The following OSMR variants were observed in gnomAD, a reference collection of about 807,000 sequenced individuals.
The protein encoded by OSMR is oncostatin-M-specific receptor subunit beta.
OSMR carries 81 observed loss-of-function variants against 99.9 expected under a neutral mutation model. The observed-to-expected ratio is 0.81, with a 90% CI of 0.68 to 0.97. OSMR has a LOEUF of 0.97. Among genes scored for constraint, OSMR ranks in the 50% least tolerant of loss-of-function variants. The pLI, the probability that OSMR is intolerant of heterozygous loss-of-function variation, is 0.00. For missense variants in OSMR, 1,099 were observed against 1,153.4 expected, an observed-to-expected ratio of 0.95 and a Z score of 0.68; for synonymous variants, 406 against 410.4, an observed-to-expected ratio of 0.99 and a Z score of 0.13.
At chr5:38,942,712 C>T in intron 1 of OSMR, 1 of 783,038 alleles carries the variant, frequency 1.3e-6, no homozygotes, top group Non-Finnish European at 2.1e-6. Context: ...CGCGCTGACC[C>T]CACAAAGTGC....
At chr5:38,884,714 T>C (rs908057341) in intron 5 of OSMR, among the ~76,000 whole-genome samples, 1 of 152,234 alleles carries the variant, frequency 6.6e-6, no homozygotes, top group Non-Finnish European at 1.5e-5. Context: ...TTCCATCGGA[T>C]ACATTAGTGG....
At chr5:38,859,897 TAGA>T (rs568786363) in intron 1 of OSMR, among the ~76,000 whole-genome samples, 66 of 152,334 alleles carry the variant, frequency 4.3e-4, no homozygotes, top group African/African-American at 1.5e-3. Flanking sequence ...TCTTAGTGTA[TAGA>T]AACACTACTA....
intron 1 of OSMR, among the ~76,000 whole-genome samples, chr5:38,859,864 G>A (rs979725715): frequency 6.6e-6 from 1 of 151,968 alleles, no homozygotes; most frequent in South Asian, 2.1e-4. Flanking sequence ...TTGCTTTCTT[G>A]ATATCTTTTT....
rs1746705546 is a variant in OSMR at position 38,930,923 on chromosome 5, TGTGTGTGTGTGTG to T, written c.2213-959_2213-947del. On this transcript the variant is annotated intron_variant, in intron 15 of 17. Transcript: ENST00000274276. The stretch of plus-strand genomic sequence containing the variant: ...AAGATGCCCTTGCAGAAGCATTTTG[TGTGTGTGTGTGTG>T]TGTGTGTGTGTGTGTGTGTGTGTGT... Among the ~76,000 whole-genome samples the T allele has an allele frequency of 1.2e-4, 3 of 25,362 alleles. No homozygotes were observed. In the South Asian group the frequency reaches 3.4e-3, roughly 29 times the overall value. The allele number at this position is 25,362 out of a possible 152,430, so 16.6% of individuals were successfully genotyped here.
chr5:38,903,106 G>A (rs1189367725), intron 7 of OSMR, among the ~76,000 whole-genome samples: 1 of 152,174 alleles, frequency 6.6e-6, no homozygotes, highest in African/African-American at 2.4e-5. Flanking sequence ...AATCCTGCTT[G>A]CTGTGCCAAT....
chr5:38,889,856 T>C lies in OSMR; in HGVS notation c.991+3666T>C, dbSNP rs114089304. Among the ~76,000 whole-genome samples, 600 of 152,336 alleles carry C rather than the reference T, an allele frequency of 3.9e-3. 4 individuals carry two copies. The highest frequency in any genetic ancestry group is 0.013 in the African/African-American group (560 of 41,584). Reference sequence around the variant, plus strand: ...GTTTTCTTCTACTTTCTTGGATTTTTTTCTGTTGTTCCTTTTACTTTCATA... The same window carrying C: ...GTTTTCTTCTACTTTCTTGGATTTTCTTCTGTTGTTCCTTTTACTTTCATA... On this transcript the variant is annotated intron_variant, in intron 7 of 17. Coordinates refer to ENST00000274276, the MANE Select transcript of OSMR (RefSeq NM_003999.3).
intron 9 of OSMR, among the ~76,000 whole-genome samples, chr5:38,910,354 C>T (rs1745492428): frequency 6.6e-6 from 1 of 152,134 alleles, no homozygotes; most frequent in Non-Finnish European, 1.5e-5. Context: ...AGGACCTCAA[C>T]TTGACACTTG....
chr5:38,913,590 G>A (rs1392684118), intron 9 of OSMR, among the ~76,000 whole-genome samples: 1 of 150,576 alleles, frequency 6.6e-6, no homozygotes, highest in African/African-American at 2.4e-5. Flanking sequence ...TGAACAGAGA[G>A]TTCTGAAGAC....
Position 38,885,430 on chromosome 5 carries a change from A to C in OSMR, c.785A>C (p.Asp262Ala), listed in dbSNP as rs148838681. Residue 262 changes from aspartate to alanine, a missense_variant, in exon 6 of 18, where the codon GAC (aspartate) becomes GCC (alanine). Physicochemically the swap from Asp to Ala is moderately radical, Grantham distance 126 (BLOSUM62 -2). Transcript: ENST00000274276. ...TLHCTWDPGT[D>A]TALGWSKQPS... ...CACTGTACTTGGGATCCTGGGACGG[A>C]CACTGCCTTGGGGTGGTCTAAACAA... is the stretch of plus-strand genomic sequence containing the variant. 3.1e-4 allele frequency: 507 copies of C among 1,614,044 alleles called. No individual in the cohort carries two copies. The highest frequency in any genetic ancestry group is 4.0e-4 in the Non-Finnish European group (475 of 1,179,890).
chr5:38,924,032 C>T lies in OSMR; in HGVS notation c.1871-390C>T, dbSNP rs373059264. 5.9e-5 allele frequency among the ~76,000 whole-genome samples: 9 copies of T among 152,304 alleles called. No homozygotes were observed. The South Asian group carries it at 1.2e-3, about 21-fold the overall frequency. ...TGAACATAATTCTTCCACTTCCTTC[C>T]TTCTTCCTCACTTTAGTAGGTTCTC... On this transcript the variant is annotated intron_variant, in intron 13 of 17. Coordinates refer to ENST00000274276, the MANE Select transcript of OSMR (RefSeq NM_003999.3).
At chr5:38,937,950 A>G (rs1315634862), downstream of OSMR, 1 of 184,268 alleles carries the variant, frequency 5.4e-6, no homozygotes, top group African/African-American at 2.3e-5. The surrounding 1 kb of genome is among the most constrained non-coding windows in gnomAD (Gnocchi z 4.0). Context: ...TTTATTAACA[A>G]TGTATCCCTT....
intron 1 of OSMR, among the ~76,000 whole-genome samples, chr5:38,851,662 G>T (rs998753476): frequency 2.0e-5 from 3 of 152,228 alleles, no homozygotes; most frequent in South Asian, 4.1e-4. Flanking sequence ...CACTGCCACA[G>T]TTCTCTTTCA....
rs184654960 is a variant in OSMR, at chr5:38,889,996, C to T, written c.991+3806C>T. Among the ~76,000 whole-genome samples the T allele has an allele frequency of 9.2e-5, 14 of 152,264 alleles. 1 individual carries two copies. The highest frequency in any genetic ancestry group is 3.9e-4 in the East Asian group (2 of 5,188). On this transcript the variant is annotated intron_variant, in intron 7 of 17. Transcript: ENST00000274276. Reference sequence around the variant, plus strand: ...TTTTAACTTAACATTGCAGTGCTTTCGTTATAACAAACTATATATGATACC... The same window carrying T: ...TTTTAACTTAACATTGCAGTGCTTTTGTTATAACAAACTATATATGATACC...
intron 1 of OSMR, among the ~76,000 whole-genome samples, chr5:38,859,733 T>C (rs1031827030): frequency 1.1e-4 from 16 of 139,164 alleles, no homozygotes; most frequent in South Asian, 5.5e-4. Context: ...TTTATGAGAA[T>C]GTATTTGTTT....
At chr5:38,901,234 AG>A (rs1294997027) in intron 7 of OSMR, among the ~76,000 whole-genome samples, 3 of 152,230 alleles carry the variant, frequency 2.0e-5, no homozygotes, top group Non-Finnish European at 4.4e-5. Context: ...TTAGTTTGGC[AG>A]AACTGTTAGT....
downstream of OSMR, chr5:38,945,533 A>C (rs754787982): frequency 6.2e-7 from 1 of 1,614,128 alleles, no homozygotes; most frequent in East Asian, 2.2e-5. Context: ...CTGGGCTGGA[A>C]ACCCAGAATT....
In OSMR at chr5:38,862,274, C is replaced by T. The variant is rs1241061992; in HGVS notation, c.-13-6758C>T. 7.3e-5 allele frequency among the ~76,000 whole-genome samples: 7 copies of T among 96,464 alleles called. 1 individual carries two copies. The highest frequency in any genetic ancestry group is 2.1e-4 in the African/African-American group (5 of 23,382). The allele number at this position is 96,464 out of a possible 152,430, so 63.3% of individuals were successfully genotyped here. On this transcript the variant is annotated intron_variant, in intron 1 of 17. Transcript: ENST00000274276. Reference sequence around the variant, plus strand: ...CCCCCTACCTCCCTCCCGGACGGGGCGGCTGGCTGGGCGGGGGGCTGACCC... The same window carrying T: ...CCCCCTACCTCCCTCCCGGACGGGGTGGCTGGCTGGGCGGGGGGCTGACCC...
intron 2 of OSMR, among the ~76,000 whole-genome samples, chr5:38,870,336 T>TC (rs1160627508): frequency 6.7e-6 from 1 of 148,914 alleles, no homozygotes; most frequent in Non-Finnish European, 1.5e-5. Flanking sequence ...TTTTCTTTTT[T>TC]TTTTTTTTTT....
At chr5:38,852,303 G>T (rs550278743) in intron 1 of OSMR, among the ~76,000 whole-genome samples, 1 of 152,092 alleles carries the variant, frequency 6.6e-6, no homozygotes, top group Non-Finnish European at 1.5e-5. Context: ...CATCTGTAGG[G>T]CAAAATTTCA....
Sources: gnomAD v4.1 joint callset for allele counts (sites outside exome capture counted in the v4.1 genomes callset) on GRCh38, gnomAD v4.1.1 for gene constraint, Gnocchi (gnomAD v3.1) non-coding constraint, MANE v1.5 for transcripts, NCBI Gene and HGNC (gene_info 2026-07-23, HGNC 2026-07-21) for gene names.